The following ZFP64 variants were observed in gnomAD, a reference collection of about 807,000 sequenced individuals.
ZFP64 encodes zinc finger protein 64.
In ZFP64, 14 loss-of-function variants were observed where a neutral mutation model predicts 51.6. The ratio of observed to expected loss-of-function variants is 0.27; its 90% CI spans 0.18 to 0.42. The LOEUF is 0.42. Ranked by LOEUF, ZFP64 falls within the 10% of genes least tolerant of loss-of-function variation. The probability of loss-of-function intolerance (pLI) is 1.00; values close to 1 mark genes in which losing one functional copy is unlikely to be tolerated. For synonymous variants in ZFP64, 375 were observed against 361.4 expected, an observed-to-expected ratio of 1.04 and a Z score of -0.43; for missense variants, 754 against 906.8, an observed-to-expected ratio of 0.83 and a Z score of 2.16.
chr20:52,166,144 G>T, intron 2 of ZFP64, 119 bp from the exon 3 acceptor site: 1 of 1,018,212 alleles, frequency 9.8e-7, no homozygotes, highest in Non-Finnish European at 1.4e-6. Flanking sequence ...CCTCCCTTGC[G>T]GCTTCACAGT....
intron 5 of ZFP64, chr20:52,098,731 G>C (rs746708015): frequency 7.0e-5 from 77 of 1,102,172 alleles, no homozygotes; most frequent in Non-Finnish European, 8.7e-5. Flanking sequence ...TGACCAGGCG[G>C]GGTGGCTCAT....
chr20:52,166,831 A>G (rs1352787265), intron 2 of ZFP64, among the ~76,000 whole-genome samples: 1 of 152,212 alleles, frequency 6.6e-6, no homozygotes, highest in Non-Finnish European at 1.5e-5. Context: ...AGCCAAATGC[A>G]TTAAGTGCTT....
At chr20:52,164,448 T>C (rs1369702429) in intron 4 of ZFP64, among the ~76,000 whole-genome samples, 2 of 152,250 alleles carry the variant, frequency 1.3e-5, no homozygotes, top group Non-Finnish European at 2.9e-5. Flanking sequence ...AAAATGGCTG[T>C]AACAGTTCAC....
At position 52,167,942 on chromosome 20, in the gene ZFP64, A is replaced by C. The variant is rs532240346; in HGVS notation, c.287-1917T>G. 2.0e-5 allele frequency among the ~76,000 whole-genome samples: 3 copies of C among 152,322 alleles called. No individual in the cohort carries two copies. The South Asian group carries it at 6.2e-4, about 32-fold the overall frequency. The stretch of plus-strand genomic sequence containing the variant: ...TATTTCTTTGAATCTAAGATGTTTT[A>C]GATTGTAAAATGTGTCATAATTTCA... On this transcript the variant is annotated intron_variant, in intron 2 of 5. Coordinates refer to ENST00000216923, the MANE Select transcript of ZFP64 (RefSeq NM_018197.3).
rs1984385592 is a variant in ZFP64, at chr20:52,191,650, G to A, written c.-14C>T. The A allele has an allele frequency of 1.3e-6, 2 of 1,582,316 alleles. No homozygotes were observed. Among genetic ancestry groups the A allele is most frequent in the Middle Eastern group, 1.7e-4 (1 of 5,998 alleles). On this transcript the variant is annotated 5_prime_UTR_variant, in exon 1 of 6. Coordinates refer to ENST00000216923, the MANE Select transcript of ZFP64 (RefSeq NM_018197.3). This position sits in a 1 kb window ranked among gnomAD's most constrained non-coding sequence, Gnocchi z 4.3. ...GCTCGCGTTCATGGCCGCAGACTGGGAGGTCCCCGGCCGGCCGGGATGCCA... is the reference window on the plus strand; with the variant it reads ...GCTCGCGTTCATGGCCGCAGACTGGAAGGTCCCCGGCCGGCCGGGATGCCA...
At chr20:52,122,590 A>AT (rs1167105720) in intron 5 of ZFP64, among the ~76,000 whole-genome samples, 3 of 152,134 alleles carry the variant, frequency 2.0e-5, no homozygotes, top group Non-Finnish European at 4.4e-5. Context: ...GGCAAAGTAT[A>AT]TTAACAACCT....
At chr20:52,168,953 C>T (rs1982497054) in intron 2 of ZFP64, among the ~76,000 whole-genome samples, 1 of 152,186 alleles carries the variant, frequency 6.6e-6, no homozygotes, top group Non-Finnish European at 1.5e-5. Context: ...TGTTTTTGGA[C>T]TGCCTGCTGG....
At chr20:52,101,207 T>C (rs2079046408) in intron 5 of ZFP64, among the ~76,000 whole-genome samples, 1 of 152,194 alleles carries the variant, frequency 6.6e-6, no homozygotes, top group South Asian at 2.1e-4. Flanking sequence ...GCAGTAGTCC[T>C]ACTCCCAATG....
At chr20:52,132,599 A>G (rs1979775619) in intron 5 of ZFP64, among the ~76,000 whole-genome samples, 1 of 152,180 alleles carries the variant, frequency 6.6e-6, no homozygotes, top group African/African-American at 2.4e-5. Flanking sequence ...AATAAATTGG[A>G]AAATCTAGAT....
chr20:52,161,191 C>G (rs1005087378), intron 4 of ZFP64, among the ~76,000 whole-genome samples: 6 of 152,210 alleles, frequency 3.9e-5, no homozygotes, highest in African/African-American at 1.4e-4. Context: ...CTTGTTTGAG[C>G]TGGTGTTTCA....
chr20:52,116,446 CTTT>C (rs1167376554), intron 5 of ZFP64, among the ~76,000 whole-genome samples: 1 of 91,492 alleles, frequency 1.1e-5, no homozygotes, highest in Admixed American at 1.0e-4. Flanking sequence ...ATATTTCTTT[CTTT>C]TTTTTTTTTT....
At chr20:52,136,403 C>A (rs963029712) in intron 5 of ZFP64, among the ~76,000 whole-genome samples, 1 of 151,890 alleles carries the variant, frequency 6.6e-6, no homozygotes, top group African/African-American at 2.4e-5. Flanking sequence ...AAAATTGACC[C>A]AATTAATGAC....
intron 7 of ZFP64, among the ~76,000 whole-genome samples, chr20:52,092,610 G>A (rs1407378412): frequency 6.6e-6 from 1 of 152,210 alleles, no homozygotes; most frequent in Non-Finnish European, 1.5e-5. Flanking sequence ...AACACTTTGG[G>A]AGGCCAAGGC....
chr20:52,175,792 C>G (rs966053880), intron 2 of ZFP64: 4 of 530,092 alleles, frequency 7.5e-6, no homozygotes, highest in African/African-American at 2.1e-5. Flanking sequence ...TGCAGTGAGC[C>G]GAGATCGCAC....
At chr20:52,086,981 G>T (rs1448225060) in intron 8 of ZFP64, among the ~76,000 whole-genome samples, 1 of 152,072 alleles carries the variant, frequency 6.6e-6, no homozygotes, top group Non-Finnish European at 1.5e-5. Context: ...CACTAGCATG[G>T]TGGCTGGGAG....
chr20:52,118,788 G>A (rs1316657464), intron 5 of ZFP64, among the ~76,000 whole-genome samples: 2 of 152,238 alleles, frequency 1.3e-5, no homozygotes, highest in Non-Finnish European at 2.9e-5. Context: ...GGCAGGTAAA[G>A]CTTCCTCAGA....
chr20:52,104,874 G>C lies in ZFP64; in HGVS notation c.764-6287C>G, dbSNP rs371372130. ...CTCTGAGCATCCTTCCAGCGTGTTT[G>C]GGAGGCAAACTCGTTGACTAGCTCT... On this transcript the variant is annotated intron_variant, in intron 5 of 8. Transcript: ENST00000361387. The C allele has an allele frequency of 1.2e-3, 822 of 669,150 alleles. 11 individuals are homozygous for C. Among genetic ancestry groups the C allele is most frequent in the South Asian group, 0.011 (730 of 64,842 alleles). The allele number at this position is 669,150 out of a possible 1,614,324, so 41.5% of individuals were successfully genotyped here. A position where few individuals can be genotyped will look rare whatever the true frequency, so the allele number is the denominator to read the frequency against.
At chr20:52,149,730 T>G (rs763592217), downstream of ZFP64, among the ~76,000 whole-genome samples, 1 of 152,160 alleles carries the variant, frequency 6.6e-6, no homozygotes, top group Admixed American at 6.5e-5. Flanking sequence ...CAAATATGCA[T>G]GTGTGTACAT....
At chr20:52,121,006 G>A (rs930505952) in intron 5 of ZFP64, among the ~76,000 whole-genome samples, 4 of 152,032 alleles carry the variant, frequency 2.6e-5, no homozygotes, top group East Asian at 3.9e-4. Flanking sequence ...TGCTACCCTC[G>A]TAACTGTTTT....
Sources: allele counts gnomAD v4.1 joint callset (sites outside exome capture counted in the v4.1 genomes callset), GRCh38; gene constraint gnomAD v4.1.1; non-coding constraint Gnocchi (gnomAD v3.1); transcripts MANE v1.5; gene names NCBI Gene and HGNC (gene_info 2026-07-23, HGNC 2026-07-21).